Variants in TSPAN16 observed in about 807,000 individuals in gnomAD.
TSPAN16 encodes the protein tetraspanin-16.
A neutral mutation model predicts 25.2 loss-of-function variants in TSPAN16; 23 were observed. The ratio of observed to expected loss-of-function variants is 0.91; its 90% CI spans 0.66 to 1.29. The LOEUF is 1.29. Among genes scored for constraint, TSPAN16 ranks in the 50% most tolerant of loss-of-function variants. TSPAN16 has a pLI of 0.00. For missense variants in TSPAN16, 272 were observed against 299.9 expected, an observed-to-expected ratio of 0.91 and a Z score of 0.69; for synonymous variants, 123 against 124.4, an observed-to-expected ratio of 0.99 and a Z score of 0.08.
intron 4 of TSPAN16, among the ~76,000 whole-genome samples, chr19:11,302,678 TACACACACACACACACACACACACACAC>T (rs144679719): frequency 3.2e-5 from 4 of 126,552 alleles, no homozygotes; most frequent in African/African-American, 9.5e-5. Context: ...TATATATATA[TACACACACACACACACACACACACACAC>T]ATACATATAT....
At chr19:11,303,571 ATAAATT>A (rs1339541969) in intron 4 of TSPAN16, among the ~76,000 whole-genome samples, 1 of 121,856 alleles carries the variant, frequency 8.2e-6, no homozygotes, top group Non-Finnish European at 1.7e-5. Context: ...AAATAAATAA[ATAAATT>A]AAAAAAAAAA....
chr19:11,296,508 G>A lies in TSPAN16; in HGVS notation c.69+142G>A, dbSNP rs1038671005. 8.9e-6 allele frequency: 7 copies of A among 790,558 alleles called. No individual in the cohort carries two copies. The Admixed American group carries it at 9.5e-5, about 11-fold the overall frequency. 49.0% of individuals were successfully genotyped at this position (790,558 alleles called of 1,614,324 possible). A position where few individuals can be genotyped will look rare whatever the true frequency, so the allele number is the denominator to read the frequency against. ...GAAGCAGGAGGGATGTAGGGCAGAC[G>A]GAGGAGGAGGAGCAGGGAGCGTGGG... On this transcript the variant is annotated intron_variant, in intron 1 of 6. Transcript: ENST00000590327.
At chr19:11,301,357 T>C (rs748081085) in intron 4 of TSPAN16, 49 bp downstream of exon 4, 1 of 1,464,536 alleles carries the variant, frequency 6.8e-7, no homozygotes, top group Non-Finnish European at 9.5e-7. Context: ...GTACACAACA[T>C]GGGCGGGCGA....
At position 11,307,543 on chromosome 19, in the gene TSPAN16, C is replaced by T. The variant is rs776561422; in HGVS notation, c.603+787C>T. On this transcript the variant is annotated intron_variant, in intron 5 of 6. Transcript: ENST00000590327. The stretch of plus-strand genomic sequence containing the variant: ...AAGTGATCCTCCTGCCTCAGCCTCC[C>T]GAGTAGCTGGGACCACAGGCACGTG... 2.2e-4 allele frequency among the ~76,000 whole-genome samples: 34 copies of T among 152,096 alleles called. 1 individual carries two copies. The highest frequency in any genetic ancestry group is 2.2e-3 in the Admixed American group (33 of 15,254).
chr19:11,298,057 C>T (rs2080498602), intron 1 of TSPAN16, 85 bp from the exon 2 acceptor site: 6 of 1,428,648 alleles, frequency 4.2e-6, no homozygotes, highest in Admixed American at 1.8e-5. Context: ...GCTGGGATTA[C>T]AGGCATGAGC....
chr19:11,297,141 C>T (rs1009984286), intron 1 of TSPAN16, among the ~76,000 whole-genome samples: 1 of 152,034 alleles, frequency 6.6e-6, no homozygotes, highest in African/African-American at 2.4e-5. Flanking sequence ...AATGAAATAT[C>T]ACTCCTCCTC....
At chr19:11,318,795 C>T (rs1388960299), downstream of TSPAN16, among the ~76,000 whole-genome samples, 8 of 151,958 alleles carry the variant, frequency 5.3e-5, no homozygotes, top group African/African-American at 1.4e-4. Context: ...TACAGGTGCC[C>T]GCCACCACAC....
At chr19:11,320,451 G>A (rs1299543277), downstream of TSPAN16, among the ~76,000 whole-genome samples, 1 of 152,106 alleles carries the variant, frequency 6.6e-6, no homozygotes, top group Non-Finnish European at 1.5e-5. Context: ...GCCAAGGCGG[G>A]AGCATGGCTG....
rs57893701 is a variant in TSPAN16 at position 11,326,219 on chromosome 19, TA to T, written c.688-562del. Among the ~76,000 whole-genome samples, 1,139 of 141,700 alleles carry T rather than the reference TA, an allele frequency of 8.0e-3. 8 individuals carry two copies. The highest frequency in any genetic ancestry group is 0.022 in the African/African-American group (855 of 39,010). 93.0% of individuals were successfully genotyped at this position (141,700 alleles called of 152,430 possible). A position where few individuals can be genotyped will look rare whatever the true frequency, so the allele number is the denominator to read the frequency against. ...CCTGGGCAACAGAGCGAGATTCTATTAAAAAAAAAAAAATAGAGGGGCATGG... is the reference window on the plus strand; with the variant it reads ...CCTGGGCAACAGAGCGAGATTCTATTAAAAAAAAAAAATAGAGGGGCATGG... On this transcript the variant is annotated intron_variant, in intron 6 of 6. Coordinates refer to the TSPAN16 transcript ENST00000316737.
At chr19:11,312,286 CTG>C (rs1170873850) in intron 6 of TSPAN16, 64 bp downstream of exon 6, 1 of 1,012,668 alleles carries the variant, frequency 9.9e-7, no homozygotes, top group East Asian at 2.6e-5. Context: ...ATGCCAAACA[CTG>C]TTCTGGTCAC....
intron 3 of TSPAN16, among the ~76,000 whole-genome samples, chr19:11,300,419 C>G (rs1299085274): frequency 6.6e-6 from 1 of 152,150 alleles, no homozygotes; most frequent in Non-Finnish European, 1.5e-5. Context: ...TCCCAGGGGG[C>G]ATGTGGGCTC....
intron 6 of TSPAN16, among the ~76,000 whole-genome samples, chr19:11,314,632 A>AT (rs764999741): frequency 1.4e-4 from 22 of 152,116 alleles, no homozygotes; most frequent in Non-Finnish European, 2.9e-4. Context: ...CAGATGGTCC[A>AT]TTTAAGATGT....
At chr19:11,311,469 C>G (rs888319465) in intron 5 of TSPAN16, among the ~76,000 whole-genome samples, 28 of 152,010 alleles carry the variant, frequency 1.8e-4, no homozygotes, top group Admixed American at 1.2e-3. Flanking sequence ...ATTGCTGTGT[C>G]CCCTGGGCTG....
At chr19:11,298,767 G>A in intron 2 of TSPAN16, 105 bp from the exon 3 acceptor site, 1 of 1,081,870 alleles carries the variant, frequency 9.2e-7, no homozygotes, top group Non-Finnish European at 1.4e-6. Context: ...AGGGTGGCCT[G>A]GGGTGGAGGG....
rs183038207 is a variant in TSPAN16, at chr19:11,311,581, C to T, written c.604-558C>T. ...AAGTAGCTGGGACTACAGCCACACA[C>T]CAGGCTAATATTTACATTTTTTATA... On this transcript the variant is annotated intron_variant, in intron 5 of 6. Coordinates refer to ENST00000590327, the MANE Select transcript of TSPAN16 (RefSeq NM_001282509.2). Among the ~76,000 whole-genome samples, 61 of 152,142 alleles carry T rather than the reference C, an allele frequency of 4.0e-4. No homozygotes were observed. The East Asian group carries it at 0.012, about 30-fold the overall frequency.
chr19:11,303,970 C>T (rs995898312), intron 4 of TSPAN16, among the ~76,000 whole-genome samples: 3 of 151,382 alleles, frequency 2.0e-5, no homozygotes, highest in African/African-American at 7.3e-5. Flanking sequence ...CTAGTAGAGA[C>T]AGGACTTCAC....
rs750036300 is a variant in TSPAN16, at chr19:11,298,954, C to T, written c.342+8C>T. 6.2e-7 allele frequency: 1 copy of T among 1,612,930 alleles called. No homozygotes were observed. The highest frequency in any genetic ancestry group is 8.5e-7 in the Non-Finnish European group (1 of 1,179,056). On this transcript the variant is annotated splice_region_variant and intron_variant, in intron 3 of 6. Transcript: ENST00000590327. ...CTTCTTTTCTTTCCAATTGTAAGTA[C>T]AGCCCTGCTCCTCCCACATAGCATT...
chr19:11,303,787 GGTTT>G (rs1160640733), intron 4 of TSPAN16, among the ~76,000 whole-genome samples: 1 of 151,106 alleles, frequency 6.6e-6, no homozygotes, highest in Non-Finnish European at 1.5e-5. Context: ...TCATTTTCTG[GGTTT>G]GTTTTTTTTT....
chr19:11,298,034 G>T, intron 1 of TSPAN16, 108 bp from the exon 2 acceptor site: 1 of 1,161,318 alleles, frequency 8.6e-7, no homozygotes, highest in Non-Finnish European at 1.3e-6. Flanking sequence ...TCTTGGCCTT[G>T]GCCTCCCAAA....
Sources: allele counts gnomAD v4.1 joint callset (sites outside exome capture counted in the v4.1 genomes callset), GRCh38; gene constraint gnomAD v4.1.1; transcripts MANE v1.5; gene names NCBI Gene and HGNC (gene_info 2026-07-23, HGNC 2026-07-21).